Variants in FLT1 observed in about 807,000 individuals in gnomAD.
FLT1 encodes fms related receptor tyrosine kinase 1, also known as vascular endothelial growth factor receptor 1.
A neutral mutation model predicts 156.3 loss-of-function variants in FLT1; 49 were observed. The observed-to-expected ratio is 0.31, with a 90% confidence interval of 0.25 to 0.40. The LOEUF is 0.40. FLT1 is among the 10% of genes least tolerant of loss of function. The probability of loss-of-function intolerance (pLI) is 1.00; values close to 1 mark genes in which losing one functional copy is unlikely to be tolerated. For missense variants in FLT1, 1,322 were observed against 1,637.2 expected (o/e 0.81, Z 3.32); for synonymous variants, 594 against 583.8 (o/e 1.02, Z -0.25).
chr13:28,412,369 T>TTTCCTTCC (rs1876307194), intron 10 of FLT1, among the ~76,000 whole-genome samples: 13 of 83,176 alleles, frequency 1.6e-4, no homozygotes, highest in African/African-American at 3.4e-4. Flanking sequence ...TCTTTCTTTC[T>TTTCCTTCC]TTCTTTCTTT....
chr13:28,316,383 C>T (rs552267799), intron 25 of FLT1, among the ~76,000 whole-genome samples: 2 of 152,278 alleles, frequency 1.3e-5, no homozygotes, highest in Non-Finnish European at 2.9e-5. Context: ...ATGGGAGGGC[C>T]CCTGCCAGTT....
intron 3 of FLT1, among the ~76,000 whole-genome samples, chr13:28,449,423 G>C (rs1361209237): frequency 6.6e-6 from 1 of 152,128 alleles, no homozygotes; most frequent in East Asian, 1.9e-4. Context: ...ATATCTCCTA[G>C]TAAGCTATCC....
intron 16 of FLT1, among the ~76,000 whole-genome samples, chr13:28,343,450 C>T (rs1389445332): frequency 1.3e-5 from 2 of 150,458 alleles, no homozygotes; most frequent in African/African-American, 4.9e-5. Flanking sequence ...CAGGCGCCTG[C>T]CACCATGCCC....
intron 4 of FLT1, among the ~76,000 whole-genome samples, chr13:28,436,798 C>G (rs1350013274): frequency 6.6e-6 from 1 of 152,188 alleles, no homozygotes; most frequent in Non-Finnish European, 1.5e-5. Flanking sequence ...AGATACTGTT[C>G]TAAGTGCTTT....
At chr13:28,428,102 G>A (rs1161304413) in intron 8 of FLT1, among the ~76,000 whole-genome samples, 181 bp from the exon 9 acceptor site, 1 of 152,102 alleles carries the variant, frequency 6.6e-6, no homozygotes, top group Non-Finnish European at 1.5e-5. Flanking sequence ...TTTAGACTGG[G>A]TAACACTTCA....
chr13:28,380,582 G>A (rs887735296), intron 14 of FLT1, among the ~76,000 whole-genome samples: 1 of 151,354 alleles, frequency 6.6e-6, no homozygotes. Flanking sequence ...TAGCATCCTA[G>A]AATGATATTT....
Position 28,427,143 on chromosome 13 carries a change from A to T in FLT1, c.1436+16T>A, listed in dbSNP as rs911676849. ...AAAAGTATTTGAAAGTTAGTAAAAA[A>T]ACTGACTGTCCCTACCTTGCTTCGG... On this transcript the variant is annotated intron_variant, in intron 10 of 29. Coordinates refer to ENST00000282397, the MANE Select transcript of FLT1 (RefSeq NM_002019.4). 17 of 1,612,712 alleles carry T rather than the reference A, an allele frequency of 1.1e-5. No individual in the cohort carries two copies. The highest frequency in any genetic ancestry group is 4.0e-5 in the African/African-American group (3 of 74,894).
rs554982886 is a variant in FLT1 at position 28,367,871 on chromosome 13, T to G, written c.2117-10186A>C. On this transcript the variant is annotated intron_variant, in intron 14 of 29. Transcript: ENST00000282397. Reference sequence around the variant, plus strand: ...TTCGTCATCAAAACTCTCTTTTTTATTCATCAAAGTCCAATTCAGATGACA... The same window carrying G: ...TTCGTCATCAAAACTCTCTTTTTTAGTCATCAAAGTCCAATTCAGATGACA... Among the ~76,000 whole-genome samples, 21 of 152,334 alleles carry G rather than the reference T, an allele frequency of 1.4e-4. No individual in the cohort carries two copies. The South Asian group carries it at 3.9e-3, about 29-fold the overall frequency.
At chr13:28,370,302 T>G (rs1873500049) in intron 14 of FLT1, among the ~76,000 whole-genome samples, 1 of 152,152 alleles carries the variant, frequency 6.6e-6, no homozygotes, top group African/African-American at 2.4e-5. Flanking sequence ...CTACTTTAAC[T>G]TACAAAATAG....
intron 3 of FLT1, among the ~76,000 whole-genome samples, chr13:28,440,397 G>C (rs886974635): frequency 7.9e-5 from 12 of 152,176 alleles, no homozygotes; most frequent in African/African-American, 2.7e-4. Flanking sequence ...CTCCAATCTA[G>C]AGCCCCTTCC....
At chr13:28,397,433 C>A (rs1875114311) in intron 11 of FLT1, among the ~76,000 whole-genome samples, 1 of 152,216 alleles carries the variant, frequency 6.6e-6, no homozygotes, top group African/African-American at 2.4e-5. Context: ...AGGCTGAGGC[C>A]TTCCCTTTTG....
chr13:28,470,351 C>A lies in FLT1; in HGVS notation c.65-2734G>T, dbSNP rs547506000. 3.9e-5 allele frequency among the ~76,000 whole-genome samples: 6 copies of A among 152,324 alleles called. No homozygotes were observed. In the East Asian group the frequency reaches 9.6e-4, roughly 24 times the overall value. ...ACACCTGCCCTGAGAAACTTCCATG[C>A]CAGAATAGTTTCTGCCCTTCTTTAT... On this transcript the variant is annotated intron_variant, in intron 1 of 29. Transcript: ENST00000282397.
intron 17 of FLT1, among the ~76,000 whole-genome samples, chr13:28,334,702 G>A (rs931572254): frequency 2.0e-5 from 3 of 152,178 alleles, no homozygotes; most frequent in Non-Finnish European, 4.4e-5. Context: ...AAATCCTCGT[G>A]GTTCAGCACA....
intron 3 of FLT1, among the ~76,000 whole-genome samples, chr13:28,442,397 T>A (rs569244944): frequency 1.3e-5 from 2 of 152,350 alleles, no homozygotes; most frequent in African/African-American, 4.8e-5. Flanking sequence ...ATCAGTGTAG[T>A]CATTTCTAGA....
intron 3 of FLT1, among the ~76,000 whole-genome samples, chr13:28,459,879 C>T (rs868346570): frequency 4.6e-5 from 7 of 152,250 alleles, no homozygotes; most frequent in African/African-American, 1.4e-4. Flanking sequence ...TGCATGAAAG[C>T]GTGAACACCT....
In FLT1 at chr13:28,405,893, A is replaced by T. The variant is rs769834654; in HGVS notation, c.1438T>A (p.Cys480Ser). The change falls in exon 11 of 30, where the codon TGT becomes AGT. Residue 480 changes from cysteine to serine, a missense_variant and splice_region_variant. Cys to Ser is a moderately radical substitution (Grantham distance 112, BLOSUM62 -1). This residue lies in a region of FLT1 where 991 missense variants were observed against 1,254.8 expected (regional missense o/e 0.79). Transcript: ENST00000282397. ...TCTTCATTATTGGAACAAAAGTCAC[A>T]CCTATTAAAAAAAAAAGTTGTCACA... ...PCNHNHSEAR[C>S]DFCSNNEESF... The T allele has an allele frequency of 1.3e-6, 2 of 1,556,850 alleles. No homozygotes were observed. The highest frequency in any genetic ancestry group is 1.8e-6 in the Non-Finnish European group (2 of 1,133,566).
rs984815300 is a variant in FLT1 at position 28,373,718 on chromosome 13, A to T, written c.2116+11167T>A. On this transcript the variant is annotated intron_variant, in intron 14 of 29. Transcript: ENST00000282397. ...GTAGGGAGGAATTTGTTGATTAGGGATTGAGATCCCTCTCACTCTAAGAGC... is the reference window on the plus strand; with the variant it reads ...GTAGGGAGGAATTTGTTGATTAGGGTTTGAGATCCCTCTCACTCTAAGAGC... Among the ~76,000 whole-genome samples the T allele has an allele frequency of 1.3e-5, 2 of 151,426 alleles. 1 individual carries two copies. Among genetic ancestry groups the T allele is most frequent in the South Asian group, 4.2e-4 (2 of 4,798 alleles).
chr13:28,376,054 C>T (rs1481558724), intron 14 of FLT1, among the ~76,000 whole-genome samples: 1 of 152,182 alleles, frequency 6.6e-6, no homozygotes, highest in Non-Finnish European at 1.5e-5. Context: ...CAGCCTCATT[C>T]CTCTCTCTCT....
chr13:28,309,599 C>T (rs747183188), intron 27 of FLT1, among the ~76,000 whole-genome samples: 11 of 152,188 alleles, frequency 7.2e-5, no homozygotes, highest in Non-Finnish European at 1.2e-4. Flanking sequence ...TGGGCAAGCT[C>T]CCTACTGGCT....
Sources: gnomAD v4.1 joint callset for allele counts (sites outside exome capture counted in the v4.1 genomes callset) on GRCh38, gnomAD v4.1.1 for gene constraint, gnomAD v4.1.1 regional missense constraint, MANE v1.5 for transcripts, NCBI Gene and HGNC (gene_info 2026-07-23, HGNC 2026-07-21) for gene names.